Variants in TMTC2 observed in about 807,000 individuals in gnomAD.
The protein encoded by TMTC2 is protein O-mannosyl-transferase TMTC2.
A neutral mutation model predicts 82.4 loss-of-function variants in TMTC2; 43 were observed. That is an observed-to-expected ratio of 0.52 (90% confidence interval 0.41 to 0.67). The LOEUF (loss-of-function observed/expected upper bound fraction) is 0.67. Among genes scored for constraint, TMTC2 ranks in the 30% least tolerant of loss-of-function variants. The probability of loss-of-function intolerance (pLI) is 0.00; values close to 1 mark genes in which losing one functional copy is unlikely to be tolerated. For synonymous variants in TMTC2, 408 were observed against 381.9 expected (o/e 1.07, Z -0.80); for missense variants, 919 against 1,012.4 (o/e 0.91, Z 1.25).
At chr12:82,725,859 T>C (rs1874422646) in intron 1 of TMTC2, among the ~76,000 whole-genome samples, 1 of 152,218 alleles carries the variant, frequency 6.6e-6, no homozygotes, top group African/African-American at 2.4e-5. Flanking sequence ...CGGATTAAGA[T>C]AAAAGACTGT....
chr12:82,767,399 C>T lies in TMTC2; in HGVS notation c.83+79730C>T, dbSNP rs971940073. 2.0e-5 allele frequency among the ~76,000 whole-genome samples: 3 copies of T among 152,210 alleles called. No individual in the cohort carries two copies. In the East Asian group the frequency reaches 5.8e-4, roughly 29 times the overall value. On this transcript the variant is annotated intron_variant, in intron 1 of 11. Coordinates refer to ENST00000321196, the MANE Select transcript of TMTC2 (RefSeq NM_152588.3). ...AGGCATTTGAGACCAGCGTGGGCAA[C>T]ATAGTGAGATCCTGTGTTTACAAAA...
At chr12:82,755,875 T>C (rs910519584) in intron 1 of TMTC2, among the ~76,000 whole-genome samples, 2 of 151,772 alleles carry the variant, frequency 1.3e-5, no homozygotes, top group Non-Finnish European at 2.9e-5. Flanking sequence ...AAAAATAAAA[T>C]AGGGGTTTTT....
chr12:82,871,114 T>C (rs746500917), intron 2 of TMTC2, among the ~76,000 whole-genome samples: 2 of 152,224 alleles, frequency 1.3e-5, no homozygotes, highest in Non-Finnish European at 2.9e-5. Flanking sequence ...GTGCTAGCAA[T>C]GTGTCTTCTG....
intron 3 of TMTC2, among the ~76,000 whole-genome samples, chr12:82,924,344 A>G (rs529844233): frequency 4.4e-4 from 67 of 152,358 alleles, no homozygotes; most frequent in Admixed American, 2.9e-3. Context: ...AATCATTCAT[A>G]TAGCAAGAGA....
In TMTC2 at chr12:82,756,085, G is replaced by A. The variant is rs541155759; in HGVS notation, c.83+68416G>A. On this transcript the variant is annotated intron_variant, in intron 1 of 11. Coordinates refer to ENST00000321196, the MANE Select transcript of TMTC2 (RefSeq NM_152588.3). ...ATTTGTAGTTACCTGTTCTTTGAATGTCATAAAATTATCTGTAAAACTATC... is the reference window on the plus strand; with the variant it reads ...ATTTGTAGTTACCTGTTCTTTGAATATCATAAAATTATCTGTAAAACTATC... Among the ~76,000 whole-genome samples the A allele has an allele frequency of 5.2e-3, 785 of 152,170 alleles. 7 individuals are homozygous for A. The highest frequency in any genetic ancestry group is 0.026 in the South Asian group (127 of 4,828).
chr12:82,914,395 A>T (rs1204265168), intron 3 of TMTC2, among the ~76,000 whole-genome samples: 1 of 152,150 alleles, frequency 6.6e-6, no homozygotes, highest in Non-Finnish European at 1.5e-5. Flanking sequence ...ATCACAGTGA[A>T]TGCCAAAAAT....
rs139305680 is a variant in TMTC2, at chr12:82,736,757, A to G, written c.83+49088A>G. On this transcript the variant is annotated intron_variant, in intron 1 of 11. Coordinates refer to ENST00000321196, the MANE Select transcript of TMTC2 (RefSeq NM_152588.3). ...CCAAGATTGCCACTTGCTATTTTGA[A>G]TGTATTTCAAATAATAGTCTTTATC... is the stretch of plus-strand genomic sequence containing the variant. Among the ~76,000 whole-genome samples, 828 of 152,314 alleles carry G rather than the reference A, an allele frequency of 5.4e-3. 2 individuals are homozygous for G. The highest frequency in any genetic ancestry group is 0.014 in the Middle Eastern group (4 of 294).
intron 1 of TMTC2, among the ~76,000 whole-genome samples, chr12:82,828,268 C>T (rs1162990268): frequency 1.4e-5 from 2 of 139,950 alleles, no homozygotes; most frequent in East Asian, 4.3e-4. Flanking sequence ...GGCTGGAGTA[C>T]AGTGGCGTGA....
intron 7 of TMTC2, among the ~76,000 whole-genome samples, chr12:82,979,393 C>T (rs978643443): frequency 6.6e-6 from 1 of 151,352 alleles, no homozygotes; most frequent in East Asian, 1.9e-4. Flanking sequence ...TTTCATAACC[C>T]ATTATTTTAA....
At chr12:83,046,531 A>G (rs953594784) in intron 9 of TMTC2, among the ~76,000 whole-genome samples, 3 of 152,186 alleles carry the variant, frequency 2.0e-5, no homozygotes, top group African/African-American at 7.2e-5. Context: ...CCATCAGTCT[A>G]GACAGACTCT....
chr12:83,071,514 G>A (rs1189891781), intron 11 of TMTC2, among the ~76,000 whole-genome samples: 1 of 152,054 alleles, frequency 6.6e-6, no homozygotes, highest in African/African-American at 2.4e-5. Context: ...TTAGGGTTAT[G>A]CTGGCTTCAT....
chr12:82,914,278 A>G (rs1874864473), intron 3 of TMTC2, among the ~76,000 whole-genome samples: 1 of 152,064 alleles, frequency 6.6e-6, no homozygotes, highest in Admixed American at 6.6e-5. Context: ...TTTTCTACTC[A>G]CATAAATATT....
chr12:82,882,069 G>A (rs1181830047), intron 2 of TMTC2, among the ~76,000 whole-genome samples: 1 of 137,012 alleles, frequency 7.3e-6, no homozygotes, highest in Admixed American at 7.6e-5. Flanking sequence ...GCGGGATCTC[G>A]GCTCACTGCA....
chr12:82,895,797 C>T (rs1330720266), intron 2 of TMTC2, 21 bp from the exon 3 acceptor site: 1 of 1,572,162 alleles, frequency 6.4e-7, no homozygotes, highest in Non-Finnish European at 8.6e-7. Context: ...TTAATTTTTC[C>T]CTTCTCTCTT....
intron 2 of TMTC2, among the ~76,000 whole-genome samples, chr12:82,858,476 A>C (rs1167814033): frequency 6.6e-6 from 1 of 152,198 alleles, no homozygotes; most frequent in African/African-American, 2.4e-5. Context: ...TATCTTTTGG[A>C]TACAAGTGAG....
chr12:82,945,086 G>A (rs1456622157), intron 4 of TMTC2, among the ~76,000 whole-genome samples: 1 of 152,120 alleles, frequency 6.6e-6, no homozygotes, highest in African/African-American at 2.4e-5. Context: ...TATAGCAATG[G>A]AAATTGGTGT....
At chr12:82,787,035 C>CT (rs1434291953) in intron 1 of TMTC2, among the ~76,000 whole-genome samples, 1 of 152,050 alleles carries the variant, frequency 6.6e-6, no homozygotes, top group Non-Finnish European at 1.5e-5. Flanking sequence ...GTTCAGAGAG[C>CT]TTTATCAGGC....
chr12:82,806,699 C>T (rs1048429307), intron 1 of TMTC2, among the ~76,000 whole-genome samples: 1 of 151,278 alleles, frequency 6.6e-6, no homozygotes, highest in African/African-American at 2.4e-5. Flanking sequence ...ACGGAAATAT[C>T]TTAAGAGAGA....
At chr12:82,903,682 G>T (rs1484516914) in intron 3 of TMTC2, among the ~76,000 whole-genome samples, 1 of 152,164 alleles carries the variant, frequency 6.6e-6, no homozygotes, top group Non-Finnish European at 1.5e-5. Flanking sequence ...CAAAGTGCCG[G>T]GATTACAGGC....
Sources: allele counts gnomAD v4.1 joint callset (sites outside exome capture counted in the v4.1 genomes callset), GRCh38; gene constraint gnomAD v4.1.1; transcripts MANE v1.5; gene names NCBI Gene and HGNC (gene_info 2026-07-23, HGNC 2026-07-21).